The following HBEGF variants were observed in gnomAD, a reference collection of about 807,000 sequenced individuals.
HBEGF encodes heparin binding EGF like growth factor, also known as proheparin-binding EGF-like growth factor.
Under a neutral mutation model 19.5 loss-of-function variants are expected in HBEGF, and 8 were observed. The observed-to-expected ratio is 0.41, with a 90% CI of 0.24 to 0.74. The LOEUF (loss-of-function observed/expected upper bound fraction) is 0.74. Among genes scored for constraint, HBEGF ranks in the 30% least tolerant of loss-of-function variants. The pLI, the probability that HBEGF is intolerant of heterozygous loss-of-function variation, is 0.32. For synonymous variants in HBEGF, 97 were observed against 108.9 expected, an observed-to-expected ratio of 0.89 and a Z score of 0.68; for missense variants, 207 against 256.9, an observed-to-expected ratio of 0.81 and a Z score of 1.33.
chr5:140,344,806 A>G (rs1386193616), intron 2 of HBEGF, among the ~76,000 whole-genome samples: 2 of 131,366 alleles, frequency 1.5e-5, no homozygotes, highest in Non-Finnish European at 3.1e-5. Flanking sequence ...TGCCATGGAC[A>G]GGGAGCAGTG....
chr5:140,342,934 C>G, intron 2 of HBEGF, 122 bp from the exon 3 acceptor site: 2 of 987,864 alleles, frequency 2.0e-6, no homozygotes, highest in Non-Finnish European at 3.1e-6. Flanking sequence ...GGGAAGGCCC[C>G]TTAGCTCAGT....
In HBEGF at chr5:140,345,990, C is replaced by G. The variant is rs1353313497; in HGVS notation, c.141G>C (p.Thr47=). 31 of 1,614,166 alleles carry G rather than the reference C, an allele frequency of 1.9e-5. No homozygotes were observed. Among genetic ancestry groups the G allele is most frequent in the Non-Finnish European group, 2.5e-5 (29 of 1,180,018 alleles). Residue 47 remains threonine, a synonymous_variant, in exon 2 of 6, where the codon ACG becomes ACC. Coordinates refer to ENST00000230990, the MANE Select transcript of HBEGF (RefSeq NM_001945.3). ...CGCCTCCTAGGGGTAGCAGCTGGTC[C>G]GTGGATACAGTGGGAGGGTCCGGGT... ...TSNPDPPTVS[T]DQLLPLGGGR...
At position 140,342,783 on chromosome 5, in the gene HBEGF, C is replaced by T. The variant is rs1343814670; in HGVS notation, c.250G>A (p.Ala84Thr). The change falls in exon 3 of 6, where the codon GCC becomes ACC. Residue 84 changes from alanine (A) to threonine (T), a missense_variant. Ala to Thr is a moderately conservative substitution (Grantham distance 58, BLOSUM62 0). Transcript: ENST00000230990. ...CCGTGCTCCTCCTTGTTTGGTGTGG[C>T]CAGTGCTTGTGGCTTGGAGGATAAA... ...VTLSSKPQAL[A>T]TPNKEEHGKR... 1 of 1,614,158 alleles carries T rather than the reference C, an allele frequency of 6.2e-7. No homozygotes were observed. The highest frequency in any genetic ancestry group is 1.1e-5 in the South Asian group (1 of 91,084).
chr5:140,335,847 G>A (rs1203703438), intron 4 of HBEGF, 25 bp downstream of exon 4: 1 of 1,610,902 alleles, frequency 6.2e-7, no homozygotes, highest in Non-Finnish European at 8.5e-7. Context: ...TGCAGAAACA[G>A]CCTGCAGGGG....
intron 3 of HBEGF, among the ~76,000 whole-genome samples, chr5:140,338,902 G>A (rs773458836): frequency 6.6e-6 from 1 of 152,230 alleles, no homozygotes; most frequent in South Asian, 2.1e-4. Flanking sequence ...GAGGGGACAC[G>A]TCTGGATGGA....
At chr5:140,342,115 A>G (rs1461565624) in intron 3 of HBEGF, among the ~76,000 whole-genome samples, 1 of 152,148 alleles carries the variant, frequency 6.6e-6, no homozygotes, top group Non-Finnish European at 1.5e-5. Context: ...AGAGGCCTCA[A>G]CCTGCCGCCA....
At position 140,334,700 on chromosome 5, in the gene HBEGF, C is replaced by A. The variant is rs906427733; in HGVS notation, c.603G>T (p.Lys201Asn). 1 of 1,613,878 alleles carries A rather than the reference C, an allele frequency of 6.2e-7. No individual in the cohort carries two copies. The highest frequency in any genetic ancestry group is 1.7e-5 in the Admixed American group (1 of 60,016). ...GYDVENEEKV[K>N]LGMTNSH ...CTCAGTGGGAATTAGTCATGCCCAA[C>A]TTCACTTTCTCTTCATTTTCCACAT... The change falls in exon 5 of 6, where the codon AAG (lysine) becomes AAT (asparagine). Residue 201 changes from lysine to asparagine, a missense_variant. Lys to Asn is a moderately conservative substitution (Grantham distance 94). Transcript: ENST00000230990.
chr5:140,337,470 C>A (rs1338456234), intron 3 of HBEGF, among the ~76,000 whole-genome samples: 2 of 152,198 alleles, frequency 1.3e-5, no homozygotes, highest in African/African-American at 4.8e-5. Context: ...CACCAAGAAC[C>A]TGGTGGCCCT....
At chr5:140,337,429 A>C (rs368368536) in intron 3 of HBEGF, among the ~76,000 whole-genome samples, 167 of 152,354 alleles carry the variant, frequency 1.1e-3, no homozygotes, top group African/African-American at 3.8e-3. Flanking sequence ...TGTCTGCCTG[A>C]GGACTTTAGA....
chr5:140,339,872 A>AGATGAAC (rs1407697989), intron 3 of HBEGF, among the ~76,000 whole-genome samples: 1 of 152,222 alleles, frequency 6.6e-6, no homozygotes, highest in Non-Finnish European at 1.5e-5. Context: ...AAAGATCCCC[A>AGATGAAC]GATGAACGTG....
At chr5:140,341,524 A>G (rs1248463623) in intron 3 of HBEGF, among the ~76,000 whole-genome samples, 9 of 152,334 alleles carry the variant, frequency 5.9e-5, no homozygotes, top group African/African-American at 1.2e-4. Flanking sequence ...GACTGTGGAC[A>G]TGGTGGGGAG....
At chr5:140,345,144 TGAG>T (rs2126719943) in intron 2 of HBEGF, among the ~76,000 whole-genome samples, 1 of 152,308 alleles carries the variant, frequency 6.6e-6, no homozygotes, top group African/African-American at 2.4e-5. Context: ...GGTACAGTGC[TGAG>T]TCCTTGCTCT....
chr5:140,342,812 A>G lies in HBEGF; in HGVS notation c.221T>C (p.Val74Ala). The G allele has an allele frequency of 6.2e-7, 1 of 1,614,058 alleles. No individual in the cohort carries two copies. Among genetic ancestry groups the G allele is most frequent in the Middle Eastern group, 1.6e-4 (1 of 6,062 alleles). Residue 74 changes from valine to alanine, a missense_variant and splice_region_variant, in exon 3 of 6, where the codon GTC becomes GCC. Physicochemically the swap from Val to Ala is moderately conservative, Grantham distance 64. Coordinates refer to ENST00000230990, the MANE Select transcript of HBEGF (RefSeq NM_001945.3). ...TGCTTGTGGCTTGGAGGATAAAGTG[A>G]CTGTAGGAGAAAAGCACTCTGTTAA... is the stretch of plus-strand genomic sequence containing the variant. ...LQEADLDLLR[V>A]TLSSKPQALA... is the part of the protein sequence containing the mutation.
At chr5:140,342,516 C>T in intron 3 of HBEGF, 119 bp downstream of exon 3, 2 of 1,016,488 alleles carry the variant, frequency 2.0e-6, no homozygotes, top group Non-Finnish European at 3.0e-6. Context: ...CAACTTCCGC[C>T]CAGAGGTTGA....
chr5:140,337,584 G>A (rs987685346), intron 3 of HBEGF, among the ~76,000 whole-genome samples: 1 of 152,190 alleles, frequency 6.6e-6, no homozygotes, highest in Non-Finnish European at 1.5e-5. Context: ...AGCTCCAAGA[G>A]ACAGACTTGT....
At chr5:140,335,607 A>T (rs1160549475) in intron 4 of HBEGF, among the ~76,000 whole-genome samples, 1 of 152,124 alleles carries the variant, frequency 6.6e-6, no homozygotes, top group African/African-American at 2.4e-5. Context: ...TGACTCCATG[A>T]GTGGGTAGCT....
Position 140,336,003 on chromosome 5 carries a change from C to G in HBEGF, c.423G>C (p.Glu141Asp). ...SCICHPGYHG[E>D]RCHGLSLPVE... is the part of the protein sequence containing the mutation. ...CTGGGAGGCTCAGCCCATGACACCT[C>G]TCTCCATGGTAACCCGGGTGGCAGC... Residue 141 changes from glutamate to aspartate, a missense_variant, in exon 4 of 6, where the codon GAG (glutamate) becomes GAC (aspartate). By Grantham distance (45) the Glu-to-Asp change is conservative (BLOSUM62 2). Transcript: ENST00000230990. 6.2e-7 allele frequency: 1 copy of G among 1,614,112 alleles called. No individual in the cohort carries two copies. Among genetic ancestry groups the G allele is most frequent in the Non-Finnish European group, 8.5e-7 (1 of 1,180,004 alleles).
chr5:140,345,868 A>C, intron 2 of HBEGF, 43 bp downstream of exon 2: 1 of 1,608,672 alleles, frequency 6.2e-7, no homozygotes, highest in Admixed American at 1.7e-5. Context: ...CTTATTCTTC[A>C]ACAGCCCACC....
rs1158876240 is a variant in HBEGF at position 140,346,117 on chromosome 5, C to A, written c.47-33G>T. On this transcript the variant is annotated intron_variant, in intron 1 of 5. Transcript: ENST00000230990. This position sits in a 1 kb window ranked among gnomAD's most constrained non-coding sequence, Gnocchi z 6.1. Reference sequence around the variant, plus strand: ...CGAGAGGCCAGGCCGCATCAGACACCCGCCCAGACCCCTGACCAACACGCA... The same window carrying A: ...CGAGAGGCCAGGCCGCATCAGACACACGCCCAGACCCCTGACCAACACGCA... 1 of 1,596,612 alleles carries A rather than the reference C, an allele frequency of 6.3e-7. No individual in the cohort carries two copies. Among genetic ancestry groups the A allele is most frequent in the Non-Finnish European group, 8.5e-7 (1 of 1,171,428 alleles).
Sources: gnomAD v4.1 joint callset for allele counts (sites outside exome capture counted in the v4.1 genomes callset) on GRCh38, gnomAD v4.1.1 for gene constraint, Gnocchi (gnomAD v3.1) non-coding constraint, MANE v1.5 for transcripts, NCBI Gene and HGNC (gene_info 2026-07-23, HGNC 2026-07-21) for gene names.